PCED1B: variants seen among roughly 807,000 people sequenced by gnomAD.
PCED1B encodes PC-esterase domain-containing protein 1B.
For synonymous variants in PCED1B, 251 were observed against 246.1 expected, an observed-to-expected ratio of 1.02 and a Z score of -0.19; for missense variants, 573 against 573.9, an observed-to-expected ratio of 1.00 and a Z score of 0.02.
At chr12:47,136,713 A>G (rs540269639) in intron 2 of PCED1B, among the ~76,000 whole-genome samples, 1 of 152,194 alleles carries the variant, frequency 6.6e-6, no homozygotes, top group East Asian at 1.9e-4. Flanking sequence ...TTAGGCAAAT[A>G]TTTAAGTATA....
intron 1 of PCED1B, among the ~76,000 whole-genome samples, chr12:47,080,136 G>A (rs1941954603): frequency 6.6e-6 from 1 of 152,142 alleles, no homozygotes. Flanking sequence ...AGAGCGGGGA[G>A]GGGGCAGGGG....
chr12:47,113,629 C>G (rs116285145), intron 2 of PCED1B, among the ~76,000 whole-genome samples: 1 of 152,138 alleles, frequency 6.6e-6, no homozygotes, highest in Admixed American at 6.5e-5. Context: ...TAGTTTGCAT[C>G]AGAAATCTGT....
At chr12:47,174,442 A>AAAATAAAT (rs145322012) in intron 2 of PCED1B, among the ~76,000 whole-genome samples, 5 of 151,002 alleles carry the variant, frequency 3.3e-5, no homozygotes, top group African/African-American at 7.3e-5. Context: ...ACAAACAAAC[A>AAAATAAAT]AAATAAATAA....
chr12:47,093,210 G>C (rs1373846808), intron 1 of PCED1B, among the ~76,000 whole-genome samples: 2 of 151,524 alleles, frequency 1.3e-5, no homozygotes, highest in African/African-American at 4.8e-5. Context: ...GTCAGTCTTG[G>C]TAAATTGTAT....
rs1592195230 is a variant in PCED1B at position 47,142,703 on chromosome 12, A to G, written c.-526+38508A>G. Among the ~76,000 whole-genome samples the G allele has an allele frequency of 2.6e-5, 4 of 152,170 alleles. No individual in the cohort carries two copies. The South Asian group carries it at 8.3e-4, about 32-fold the overall frequency. ...AAAATCAGTAGAGAGCTTCAACAAC[A>G]GACTTGATCGCGCAGAAGAAAAAAA... is the stretch of plus-strand genomic sequence containing the variant. On this transcript the variant is annotated intron_variant, in intron 2 of 3. Transcript: ENST00000546455.
rs1185570234 is a variant in PCED1B at position 47,201,882 on chromosome 12, G to T, written c.-525-14340G>T. Among the ~76,000 whole-genome samples, 3 of 152,200 alleles carry T rather than the reference G, an allele frequency of 2.0e-5. No individual in the cohort carries two copies. In the East Asian group the frequency reaches 5.8e-4, roughly 29 times the overall value. ...CTCGAAGTGCTGGAATTACAGGCATGAGCCAATGCACCAGGCCTGGAAGCA... is the reference window on the plus strand; with the variant it reads ...CTCGAAGTGCTGGAATTACAGGCATTAGCCAATGCACCAGGCCTGGAAGCA... On this transcript the variant is annotated intron_variant, in intron 2 of 3. Transcript: ENST00000546455.
intron 2 of PCED1B, among the ~76,000 whole-genome samples, chr12:47,188,064 C>T (rs1329287781): frequency 6.6e-6 from 1 of 152,110 alleles, no homozygotes; most frequent in African/African-American, 2.4e-5. Flanking sequence ...CCTCTTCCTT[C>T]TTGGAGTCCC....
At chr12:47,106,016 G>A (rs1938932036) in intron 2 of PCED1B, among the ~76,000 whole-genome samples, 2 of 152,066 alleles carry the variant, frequency 1.3e-5, no homozygotes. Flanking sequence ...AAATCTGGAG[G>A]AGAACTTCAA....
At chr12:47,218,661 T>A (rs57852004) in intron 3 of PCED1B, among the ~76,000 whole-genome samples, 13 of 46,100 alleles carry the variant, frequency 2.8e-4, no homozygotes, top group East Asian at 7.1e-4. Flanking sequence ...TCATTTTTAA[T>A]TTTTTTTCTT....
At chr12:47,225,875 T>G (rs1242574486) in intron 3 of PCED1B, among the ~76,000 whole-genome samples, 1 of 152,180 alleles carries the variant, frequency 6.6e-6, no homozygotes, top group Non-Finnish European at 1.5e-5. Context: ...TACCTCTTCT[T>G]GTAACTAAAG....
At chr12:47,176,028 C>T (rs1332203063) in intron 2 of PCED1B, among the ~76,000 whole-genome samples, 1 of 151,510 alleles carries the variant, frequency 6.6e-6, no homozygotes, top group African/African-American at 2.4e-5. Context: ...ACCCAGCTTG[C>T]TCCTTTTAAT....
At chr12:47,081,974 A>T (rs1937754297) in intron 1 of PCED1B, among the ~76,000 whole-genome samples, 1 of 152,234 alleles carries the variant, frequency 6.6e-6, no homozygotes, top group South Asian at 2.1e-4. Flanking sequence ...AGACAAGGCT[A>T]TTTATCCATT....
chr12:47,090,977 T>C lies in PCED1B; in HGVS notation c.-609+11252T>C, dbSNP rs532027699. Among the ~76,000 whole-genome samples, 179 of 152,144 alleles carry C rather than the reference T, an allele frequency of 1.2e-3. 2 individuals are homozygous for C. The highest frequency in any genetic ancestry group is 2.4e-3 in the Non-Finnish European group (161 of 68,010). On this transcript the variant is annotated intron_variant, in intron 1 of 3. Transcript: ENST00000546455. ...TGTCTACTAACAAGTACTGTTGCCATGAACATTCTGTTCCCCCAAATTCCC... is the reference window on the plus strand; with the variant it reads ...TGTCTACTAACAAGTACTGTTGCCACGAACATTCTGTTCCCCCAAATTCCC...
chr12:47,190,396 G>A (rs1020662827), intron 2 of PCED1B, among the ~76,000 whole-genome samples: 1 of 152,100 alleles, frequency 6.6e-6, no homozygotes, highest in African/African-American at 2.4e-5. Flanking sequence ...CCAACCTTTG[G>A]CACCCATGCA....
chr12:47,142,714 C>T (rs537385957), intron 2 of PCED1B, among the ~76,000 whole-genome samples: 58 of 151,302 alleles, frequency 3.8e-4, no homozygotes, highest in African/African-American at 1.3e-3. Context: ...GACTTGATCG[C>T]GCAGAAGAAA....
At chr12:47,194,126 A>G (rs1490888125) in intron 2 of PCED1B, among the ~76,000 whole-genome samples, 1 of 152,034 alleles carries the variant, frequency 6.6e-6, no homozygotes, top group Non-Finnish European at 1.5e-5. Context: ...ACTTCCCTCC[A>G]TGCTCCTGAA....
At chr12:47,132,757 G>A (rs1940184049) in intron 2 of PCED1B, among the ~76,000 whole-genome samples, 1 of 152,192 alleles carries the variant, frequency 6.6e-6, no homozygotes, top group Non-Finnish European at 1.5e-5. Context: ...TAAAACCTAA[G>A]CCATGAGCTT....
Position 47,089,685 on chromosome 12 carries a change from GAT to G in PCED1B, c.-609+9962_-609+9963del, listed in dbSNP as rs530547985. 2.6e-3 allele frequency among the ~76,000 whole-genome samples: 388 copies of G among 151,796 alleles called. 4 individuals carry two copies. The highest frequency in any genetic ancestry group is 9.1e-3 in the African/African-American group (377 of 41,368). ...ATGACAAATCCATTGTCACAAGAGA[GAT>G]ACGTTTGCCAATAAGACCAAATATT... On this transcript the variant is annotated intron_variant, in intron 1 of 3. Transcript: ENST00000546455.
At chr12:47,178,501 G>T (rs1209986735) in intron 2 of PCED1B, among the ~76,000 whole-genome samples, 2 of 152,072 alleles carry the variant, frequency 1.3e-5, no homozygotes, top group African/African-American at 4.8e-5. Context: ...TTCAAACAAT[G>T]GAATGGCAAC....
Sources: gnomAD v4.1 joint callset for allele counts (sites outside exome capture counted in the v4.1 genomes callset) on GRCh38, gnomAD v4.1.1 for gene constraint, MANE v1.5 for transcripts, NCBI Gene and HGNC (gene_info 2026-07-23, HGNC 2026-07-21) for gene names.